Variants in UBE2L3 observed in about 807,000 individuals in gnomAD.
UBE2L3 encodes the protein ubiquitin-conjugating enzyme E2 L3.
In UBE2L3, 1 loss-of-function variant was observed where a neutral mutation model predicts 17.8. The observed-to-expected ratio is 0.06, with a 90% confidence interval of 0.02 to 0.27. The LOEUF (loss-of-function observed/expected upper bound fraction) is 0.27, where lower values mean the gene tolerates loss of function less well. UBE2L3 is among the 10% of genes least tolerant of loss of function. The probability of loss-of-function intolerance (pLI) is 1.00; values close to 1 mark genes in which losing one functional copy is unlikely to be tolerated. For missense variants in UBE2L3, 40 were observed against 192.6 expected (o/e 0.21, Z 4.69); for synonymous variants, 44 against 68.5 (o/e 0.64, Z 1.76).
At chr22:21,576,487 A>T (rs2148405987) in intron 1 of UBE2L3, among the ~76,000 whole-genome samples, 1 of 151,488 alleles carries the variant, frequency 6.6e-6, no homozygotes, top group East Asian at 2.0e-4. Flanking sequence ...TTTAGTAGAG[A>T]CGGGGTTTCA....
chr22:21,620,367 C>G (rs147387847), intron 3 of UBE2L3, among the ~76,000 whole-genome samples: 7 of 151,928 alleles, frequency 4.6e-5, no homozygotes, highest in African/African-American at 1.7e-4. Context: ...TTGAGGGTAC[C>G]GTGCAGTAAA....
chr22:21,589,833 A>G (rs543172313), intron 1 of UBE2L3, among the ~76,000 whole-genome samples: 1 of 152,206 alleles, frequency 6.6e-6, no homozygotes, highest in African/African-American at 2.4e-5. Context: ...GCTTAACTTG[A>G]CGGCAAGGTA....
chr22:21,588,453 TTTC>T (rs1184819444), intron 1 of UBE2L3, among the ~76,000 whole-genome samples: 2 of 149,950 alleles, frequency 1.3e-5, no homozygotes, highest in African/African-American at 4.9e-5. Flanking sequence ...GATTCCAATT[TTTC>T]TTCTTTCTTT....
intron 3 of UBE2L3, chr22:21,614,550 T>A (rs776391753): frequency 1.0e-5 from 14 of 1,367,132 alleles, no homozygotes; most frequent in Non-Finnish European, 1.3e-5. Flanking sequence ...CCTGCCCTTG[T>A]CCTTAGAAAC....
chr22:21,615,370 A>G lies in UBE2L3; in HGVS notation c.310+4327A>G, dbSNP rs973007898. On this transcript the variant is annotated intron_variant, in intron 3 of 3. Coordinates refer to ENST00000342192, the MANE Select transcript of UBE2L3 (RefSeq NM_003347.4). ...GGAGATTGAGACCATCCTGGCTAAC[A>G]TGGTGAAACCCTGTCTTTACTAAAA... Among the ~76,000 whole-genome samples, 93 of 151,932 alleles carry G rather than the reference A, an allele frequency of 6.1e-4. 2 individuals are homozygous for G. Among genetic ancestry groups the G allele is most frequent in the South Asian group, 2.1e-4 (1 of 4,808 alleles).
Position 21,588,064 on chromosome 22 carries a change from T to C in UBE2L3, c.28-4797T>C, listed in dbSNP as rs377358649. ...TGGTGCTTTCCCTTGAACTCTCTCT[T>C]TGTCAGCACTGCACCATCAGCCCTG... is the stretch of plus-strand genomic sequence containing the variant. On this transcript the variant is annotated intron_variant, in intron 1 of 3. Coordinates refer to ENST00000342192, the MANE Select transcript of UBE2L3 (RefSeq NM_003347.4). Among the ~76,000 whole-genome samples, 9 of 152,298 alleles carry C rather than the reference T, an allele frequency of 5.9e-5. No homozygotes were observed. The South Asian group carries it at 8.3e-4, about 14-fold the overall frequency.
intron 1 of UBE2L3, among the ~76,000 whole-genome samples, chr22:21,591,723 G>A (rs947238059): frequency 2.0e-5 from 3 of 152,194 alleles, no homozygotes; most frequent in East Asian, 1.9e-4. Flanking sequence ...GAAGTACCAC[G>A]TAAGGAGGTT....
chr22:21,573,329 T>G (rs1489391605), intron 1 of UBE2L3, among the ~76,000 whole-genome samples: 1 of 151,852 alleles, frequency 6.6e-6, no homozygotes, highest in Non-Finnish European at 1.5e-5. Flanking sequence ...GCCCGTTGAG[T>G]CCCCTAAAAA....
intron 3 of UBE2L3, chr22:21,614,800 A>G (rs1384996880): frequency 4.4e-6 from 1 of 227,996 alleles, no homozygotes; most frequent in Non-Finnish European, 7.3e-6. Flanking sequence ...TCATAGCACC[A>G]TTATTCACAA....
At chr22:21,605,469 G>T (rs997023393) in intron 2 of UBE2L3, among the ~76,000 whole-genome samples, 4 of 151,886 alleles carry the variant, frequency 2.6e-5, no homozygotes, top group African/African-American at 9.7e-5. Flanking sequence ...CACCTGCCTC[G>T]GCCTTTTTTT....
At chr22:21,582,418 A>G (rs955013810) in intron 1 of UBE2L3, among the ~76,000 whole-genome samples, 3 of 151,262 alleles carry the variant, frequency 2.0e-5, no homozygotes, top group Non-Finnish European at 4.4e-5. Context: ...CAGTGGTGCA[A>G]TCTCGGTCTA....
intron 3 of UBE2L3, among the ~76,000 whole-genome samples, chr22:21,618,090 A>G (rs1247132825): frequency 6.6e-6 from 1 of 152,174 alleles, no homozygotes; most frequent in Non-Finnish European, 1.5e-5. Flanking sequence ...TTGAGGCAGG[A>G]GAATCCCTTG....
At chr22:21,561,983 C>A (rs5754102) in intron 1 of UBE2L3, among the ~76,000 whole-genome samples, 25,555 of 150,266 alleles carry the variant, frequency 0.17, 1,783 homozygotes, top group East Asian at 0.34. Flanking sequence ...GTGCCCATTT[C>A]CTGCCCCAGC....
intron 3 of UBE2L3, chr22:21,614,422 T>A (rs1929658460): frequency 8.4e-6 from 4 of 478,006 alleles, no homozygotes; most frequent in Admixed American, 8.2e-5. Flanking sequence ...AAACCCCGTC[T>A]GTACCAAAAA....
chr22:21,620,392 C>T lies in UBE2L3; in HGVS notation c.311-1123C>T, dbSNP rs138461238. On this transcript the variant is annotated intron_variant, in intron 3 of 3. Transcript: ENST00000342192. ...CGTGCAGTAAAGTATGATTGAGCCA[C>T]TGCACTCCAGTCTGAGTGACAGCAA... 1.4e-3 allele frequency among the ~76,000 whole-genome samples: 207 copies of T among 152,246 alleles called. 1 individual carries two copies. Among genetic ancestry groups the T allele is most frequent in the African/African-American group, 4.8e-3 (201 of 41,546 alleles).
At chr22:21,595,261 C>T (rs1383645080) in intron 2 of UBE2L3, among the ~76,000 whole-genome samples, 2 of 152,210 alleles carry the variant, frequency 1.3e-5, no homozygotes, top group African/African-American at 2.4e-5. Context: ...TTCCAGGGCC[C>T]CTGGGTTTGT....
At chr22:21,578,029 TAA>T (rs1927409000) in intron 1 of UBE2L3, among the ~76,000 whole-genome samples, 1 of 151,936 alleles carries the variant, frequency 6.6e-6, no homozygotes, top group African/African-American at 2.4e-5. Context: ...AGATGGCTTA[TAA>T]AAAAGTGTTT....
rs926516663 is a variant in UBE2L3, at chr22:21,567,843, C to T, written c.27+72C>T. ...GGCTCCGGATCCCCGAGGCAGGCGGCGGCTTCTCAGGGCGCTGCCGTCTGG... is the reference window on the plus strand; with the variant it reads ...GGCTCCGGATCCCCGAGGCAGGCGGTGGCTTCTCAGGGCGCTGCCGTCTGG... On this transcript the variant is annotated intron_variant, in intron 1 of 3. Transcript: ENST00000342192. 3 of 1,552,922 alleles carry T rather than the reference C, an allele frequency of 1.9e-6. No homozygotes were observed. The African/African-American group carries it at 4.1e-5, about 21-fold the overall frequency.
chr22:21,620,729 C>T (rs1443388702), intron 3 of UBE2L3, among the ~76,000 whole-genome samples: 2 of 152,098 alleles, frequency 1.3e-5, no homozygotes, highest in African/African-American at 2.4e-5. Context: ...CATTGGCTGG[C>T]CCCAGTGACC....
Sources: allele counts gnomAD v4.1 joint callset (sites outside exome capture counted in the v4.1 genomes callset), GRCh38; gene constraint gnomAD v4.1.1; transcripts MANE v1.5; gene names NCBI Gene and HGNC (gene_info 2026-07-23, HGNC 2026-07-21).